KCNG3: variants seen among roughly 807,000 people sequenced by gnomAD.
KCNG3 encodes potassium voltage-gated channel modifier subfamily G member 3.
In KCNG3, 15 loss-of-function variants were observed where a neutral mutation model predicts 29.0. The observed-to-expected ratio is 0.52, with a 90% CI of 0.35 to 0.80. The LOEUF is 0.80. Among genes scored for constraint, KCNG3 ranks in the 30% least tolerant of loss-of-function variants. The probability of loss-of-function intolerance (pLI) is 0.01; values close to 1 mark genes in which losing one functional copy is unlikely to be tolerated. For synonymous variants in KCNG3, 322 were observed against 248.9 expected (o/e 1.29, Z -2.76); for missense variants, 512 against 605.7 (o/e 0.85, Z 1.62).
chr2:42,395,920 A>T, the KCNG3 span, among the ~76,000 whole-genome samples: 3 of 152,178 alleles, frequency 2.0e-5, no homozygotes, highest in Non-Finnish European at 4.4e-5. Context: ...ACTGCACTCC[A>T]GCCTGGGCAA....
the KCNG3 span, among the ~76,000 whole-genome samples, chr2:42,419,219 CTTTTTTTTTTTTTTTT>C: frequency 1.6e-3 from 44 of 27,744 alleles, no homozygotes; most frequent in South Asian, 3.7e-3. Flanking sequence ...GATGGTATCT[CTTTTTTTTTTTTTTTT>C]TTTTTTTTTT....
the KCNG3 span, among the ~76,000 whole-genome samples, chr2:42,424,206 C>T: frequency 6.6e-6 from 1 of 152,338 alleles, no homozygotes; most frequent in Admixed American, 6.5e-5. Flanking sequence ...GGTTACATTG[C>T]TCTTGTAGCT....
chr2:42,391,809 A>G, the KCNG3 span, among the ~76,000 whole-genome samples: 1 of 151,080 alleles, frequency 6.6e-6, no homozygotes, highest in African/African-American at 2.4e-5. Flanking sequence ...TCACCGTTTT[A>G]GCCGGGATGG....
intron 1 of KCNG3, among the ~76,000 whole-genome samples, chr2:42,453,724 T>C (rs1672817161): frequency 6.6e-6 from 1 of 152,180 alleles, no homozygotes; most frequent in African/African-American, 2.4e-5. Context: ...GTGATCCCAT[T>C]TGTTCATTTT....
chr2:42,412,427 T>C, the KCNG3 span, among the ~76,000 whole-genome samples: 2 of 152,232 alleles, frequency 1.3e-5, no homozygotes, highest in East Asian at 3.8e-4. Context: ...ACTATTATAG[T>C]ACTAGGTTCA....
At position 42,493,093 on chromosome 2, in the gene KCNG3, G is replaced by A. The variant is rs769876594; in HGVS notation, c.409C>T (p.Arg137Cys). ...YSADEPGVLGRDEARPGGAEA... is the reference protein window; with the variant it reads ...YSADEPGVLGCDEARPGGAEA... ...GCCCCGCCGGGGCGCGCCTCGTCGC[G>A]GCCCAGCACGCCCGGCTCGTCGGCC... The change falls in exon 1 of 2, where the codon CGC becomes TGC. Residue 137 changes from arginine (R) to cysteine (C), a missense_variant. Transcript: ENST00000306078. The A allele has an allele frequency of 1.3e-6, 2 of 1,575,452 alleles. No individual in the cohort carries two copies. Among genetic ancestry groups the A allele is most frequent in the South Asian group, 1.1e-5 (1 of 87,368 alleles).
chr2:42,452,259 T>A (rs1672779039), intron 1 of KCNG3, among the ~76,000 whole-genome samples: 1 of 120,468 alleles, frequency 8.3e-6, no homozygotes, highest in Admixed American at 8.8e-5. Context: ...TTTTTTTTTT[T>A]AAAGGAAACA....
intron 1 of KCNG3, chr2:42,464,008 G>C (rs910225001): frequency 1.6e-5 from 4 of 257,776 alleles, no homozygotes; most frequent in Non-Finnish European, 3.1e-5. Flanking sequence ...CTTCTGCTTA[G>C]AGGCGGTGGC....
the KCNG3 span, among the ~76,000 whole-genome samples, chr2:42,408,843 C>A: frequency 1.3e-5 from 2 of 152,216 alleles, no homozygotes; most frequent in Non-Finnish European, 2.9e-5. Context: ...GAGCTGCAGT[C>A]CTTTGCGGAG....
At chr2:42,461,182 C>CAAAAAAAAAAAAAAAAAAAAAAAAA (rs34199989) in intron 1 of KCNG3, among the ~76,000 whole-genome samples, 5 of 56,408 alleles carry the variant, frequency 8.9e-5, no homozygotes, top group East Asian at 7.1e-4. Flanking sequence ...CAAAACAAAA[C>CAAAAAAAAAAAAAAAAAAAAAAAAA]AAAAAAAAAA....
the KCNG3 span, among the ~76,000 whole-genome samples, chr2:42,403,275 G>A: frequency 1.8e-4 from 28 of 151,758 alleles, no homozygotes; most frequent in East Asian, 3.3e-3. Context: ...CCGAGTAGCT[G>A]GGACTACAGG....
At chr2:42,486,756 G>A (rs1265983601) in intron 1 of KCNG3, among the ~76,000 whole-genome samples, 5 of 152,154 alleles carry the variant, frequency 3.3e-5, no homozygotes, top group African/African-American at 1.2e-4. Context: ...ACCACTAACT[G>A]CCCAGCTCCA....
intron 1 of KCNG3, among the ~76,000 whole-genome samples, chr2:42,476,268 T>C (rs1299763512): frequency 6.6e-6 from 1 of 151,392 alleles, no homozygotes; most frequent in Non-Finnish European, 1.5e-5. Context: ...ACTCAGGAGT[T>C]CGAGACCAGC....
downstream of KCNG3, among the ~76,000 whole-genome samples, chr2:42,437,812 C>T (rs1165762482): frequency 6.6e-6 from 1 of 151,850 alleles, no homozygotes; most frequent in African/African-American, 2.4e-5. Context: ...TTGGTGGGCG[C>T]CTGTAATCCC....
At chr2:42,488,552 CTTT>C (rs111727996) in intron 1 of KCNG3, among the ~76,000 whole-genome samples, 3 of 136,986 alleles carry the variant, frequency 2.2e-5, no homozygotes. Flanking sequence ...ATTTTCTTTT[CTTT>C]TTTTTTTTTT....
the KCNG3 span, among the ~76,000 whole-genome samples, chr2:42,434,096 G>A: frequency 6.6e-6 from 1 of 152,114 alleles, no homozygotes; most frequent in South Asian, 2.1e-4. Flanking sequence ...TGTATTCACT[G>A]TCAAAATTCC....
At position 42,484,682 on chromosome 2, in the gene KCNG3, C is replaced by T. The variant is rs137938801; in HGVS notation, c.665+8155G>A. The stretch of plus-strand genomic sequence containing the variant: ...CTTTTCACATTTTAACACTTTTTTT[C>T]CGATGAAGAAAGTTCTAATTTTACA... On this transcript the variant is annotated intron_variant, in intron 1 of 1. Coordinates refer to ENST00000306078, the MANE Select transcript of KCNG3 (RefSeq NM_133329.6). 9.4e-3 allele frequency among the ~76,000 whole-genome samples: 1,428 copies of T among 152,068 alleles called. 18 individuals are homozygous for T. Among genetic ancestry groups the T allele is most frequent in the African/African-American group, 0.033 (1,350 of 41,474 alleles).
At chr2:42,409,171 T>G in the KCNG3 span, among the ~76,000 whole-genome samples, 1 of 152,130 alleles carries the variant, frequency 6.6e-6, no homozygotes, top group East Asian at 1.9e-4. Context: ...AAGAACCAAA[T>G]GCAGCCTGCC....
chr2:42,457,012 T>G lies in KCNG3; in HGVS notation c.666-12433A>C, dbSNP rs147815482. Among the ~76,000 whole-genome samples the G allele has an allele frequency of 6.4e-3, 981 of 152,292 alleles. 15 individuals are homozygous for G. Among genetic ancestry groups the G allele is most frequent in the African/African-American group, 0.023 (941 of 41,552 alleles). Reference sequence around the variant, plus strand: ...TCTTACAGAGAAAAAATATATACCATTCATACCTCTTTATCTTCCAACCTA... The same window carrying G: ...TCTTACAGAGAAAAAATATATACCAGTCATACCTCTTTATCTTCCAACCTA... On this transcript the variant is annotated intron_variant, in intron 1 of 1. Transcript: ENST00000306078.
Sources: gnomAD v4.1 joint callset for allele counts (sites outside exome capture counted in the v4.1 genomes callset) on GRCh38, gnomAD v4.1.1 for gene constraint, MANE v1.5 for transcripts, NCBI Gene and HGNC (gene_info 2026-07-23, HGNC 2026-07-21) for gene names.